The following KIAA1958 variants were observed in gnomAD, a reference collection of about 807,000 sequenced individuals.
KIAA1958 encodes uncharacterized protein KIAA1958.
Under a neutral mutation model 47.2 loss-of-function variants are expected in KIAA1958, and 14 were observed. The ratio of observed to expected loss-of-function variants is 0.30; its 90% CI spans 0.20 to 0.46. KIAA1958 has a LOEUF of 0.46. KIAA1958 is among the 20% of genes least tolerant of loss of function. KIAA1958 has a pLI of 1.00. For synonymous variants in KIAA1958, 354 were observed against 353.3 expected (o/e 1.00, Z -0.02); for missense variants, 803 against 909.2 (o/e 0.88, Z 1.50).
chr9:112,602,468 G>GTACA (rs1469861266), intron 2 of KIAA1958, among the ~76,000 whole-genome samples: 1 of 152,164 alleles, frequency 6.6e-6, no homozygotes, highest in Non-Finnish European at 1.5e-5. Context: ...GAAGAAGTTA[G>GTACA]TACAGTACCT....
rs1422119745 is a variant in KIAA1958, at chr9:112,636,599, T to TCCTGTTGAATTTTAAAACCTC, written c.1172-9047_1172-9027dup. On this transcript the variant is annotated intron_variant, in intron 2 of 3. Transcript: ENST00000337530. ...AAATCTAGGATTGTTATATATACCT[T>TCCTGTTGAATTTTAAAACCTC]CCTGTTGAATTTTAAAACCTCCCTC... 3.9e-5 allele frequency among the ~76,000 whole-genome samples: 6 copies of TCCTGTTGAATTTTAAAACCTC among 152,276 alleles called. No homozygotes were observed. In the East Asian group the frequency reaches 1.2e-3, roughly 29 times the overall value.
chr9:112,613,910 T>A (rs1436120307), intron 2 of KIAA1958, among the ~76,000 whole-genome samples: 2 of 152,118 alleles, frequency 1.3e-5, no homozygotes, highest in East Asian at 3.8e-4. Flanking sequence ...CACTCCTACG[T>A]ATATACCCAA....
chr9:112,548,901 A>G (rs990738132), intron 1 of KIAA1958, among the ~76,000 whole-genome samples: 1 of 152,206 alleles, frequency 6.6e-6, no homozygotes, highest in Non-Finnish European at 1.5e-5. Context: ...AGAGATTTGT[A>G]CAGGCACAGA....
At chr9:112,519,369 A>G (rs772952152) in intron 1 of KIAA1958, among the ~76,000 whole-genome samples, 26 of 152,242 alleles carry the variant, frequency 1.7e-4, no homozygotes, top group Non-Finnish European at 3.4e-4. Flanking sequence ...ACTTATGCTC[A>G]TAGCTTTTCA....
At chr9:112,635,905 A>G (rs1473110737) in intron 2 of KIAA1958, among the ~76,000 whole-genome samples, 1 of 150,996 alleles carries the variant, frequency 6.6e-6, no homozygotes, top group Admixed American at 6.6e-5. Context: ...TTTTGGATAG[A>G]TTTCTTGTTC....
chr9:112,644,310 T>C (rs12004834), intron 2 of KIAA1958, among the ~76,000 whole-genome samples: 2,177 of 152,136 alleles, frequency 0.014, 54 homozygotes, highest in African/African-American at 0.048. Context: ...TAGTTTGGTA[T>C]AGAGGAGATG....
intron 1 of KIAA1958, among the ~76,000 whole-genome samples, chr9:112,513,124 C>T (rs534719515): frequency 3.3e-5 from 5 of 149,740 alleles, no homozygotes; most frequent in African/African-American, 9.9e-5. Flanking sequence ...CCTGCTTCAG[C>T]CTCCAGAGTA....
intron 2 of KIAA1958, among the ~76,000 whole-genome samples, chr9:112,597,583 C>T (rs1427515973): frequency 6.6e-6 from 1 of 152,182 alleles, no homozygotes; most frequent in African/African-American, 2.4e-5. Context: ...CCTCCAAAAA[C>T]TTCATTGCCA....
Position 112,574,933 on chromosome 9 carries a change from G to A in KIAA1958, c.853G>A (p.Ala285Thr). 1.2e-6 allele frequency: 2 copies of A among 1,614,074 alleles called. No homozygotes were observed. The highest frequency in any genetic ancestry group is 1.7e-6 in the Non-Finnish European group (2 of 1,179,984). The part of the protein sequence containing the change: ...VISRPIVQKT[A>T]RVSLASPNRG... The stretch of plus-strand genomic sequence containing the variant: ...CTCCAGACCAATTGTCCAGAAGACT[G>A]CTAGGGTATCTCTGGCTTCACCAAA... The change falls in exon 2 of 4, where the codon GCT (alanine) becomes ACT (threonine). Residue 285 changes from alanine (A) to threonine (T), a missense_variant. Ala to Thr is a moderately conservative substitution (Grantham distance 58). Coordinates refer to ENST00000337530, the MANE Select transcript of KIAA1958 (RefSeq NM_133465.4).
At chr9:112,499,237 C>T (rs1834094844) in intron 1 of KIAA1958, among the ~76,000 whole-genome samples, 1 of 152,170 alleles carries the variant, frequency 6.6e-6, no homozygotes, top group South Asian at 2.1e-4. Context: ...ACACTGATTT[C>T]TTTGATACAC....
intron 1 of KIAA1958, among the ~76,000 whole-genome samples, chr9:112,488,258 G>T (rs538787270): frequency 8.5e-5 from 13 of 152,136 alleles, no homozygotes; most frequent in African/African-American, 7.2e-5. Flanking sequence ...TTTATTCCAC[G>T]TATATAACCC....
At chr9:112,488,362 T>A (rs900484391) in intron 1 of KIAA1958, among the ~76,000 whole-genome samples, 1 of 152,208 alleles carries the variant, frequency 6.6e-6, no homozygotes, top group Non-Finnish European at 1.5e-5. Flanking sequence ...GCTAGCTAAG[T>A]TTCTTCATGA....
chr9:112,620,933 T>C (rs561321834), intron 2 of KIAA1958, among the ~76,000 whole-genome samples: 20 of 152,354 alleles, frequency 1.3e-4, no homozygotes, highest in Middle Eastern at 3.4e-3. Flanking sequence ...CTTACATATT[T>C]ATTTCTATAT....
rs1302560844 is a variant in KIAA1958 at position 112,661,369 on chromosome 9, CAA to C, written c.*1302_*1303del. Reference sequence around the variant, plus strand: ...TGCAACAACAAGTGAAAAAGGAGCTCAAAGAGTGCTCATTAAGAGTAACAATA... The same window carrying C: ...TGCAACAACAAGTGAAAAAGGAGCTCAGAGTGCTCATTAAGAGTAACAATA... On this transcript the variant is annotated 3_prime_UTR_variant, in exon 4 of 4. Transcript: ENST00000337530. 5.9e-5 allele frequency: 9 copies of C among 152,280 alleles called. No individual in the cohort carries two copies. The East Asian group carries it at 1.7e-3, about 29-fold the overall frequency. 9.4% of individuals were successfully genotyped at this position (152,280 alleles called of 1,614,324 possible). A position where few individuals can be genotyped will look rare whatever the true frequency, so the allele number is the denominator to read the frequency against.
chr9:112,576,494 C>G (rs1429000585), intron 2 of KIAA1958, among the ~76,000 whole-genome samples: 2 of 152,086 alleles, frequency 1.3e-5, no homozygotes, highest in African/African-American at 4.8e-5. Context: ...AAATCCCATA[C>G]CCATTAACAG....
chr9:112,563,053 C>CTCTG (rs1370411620), intron 1 of KIAA1958, among the ~76,000 whole-genome samples: 44 of 112,378 alleles, frequency 3.9e-4, no homozygotes, highest in African/African-American at 1.4e-3. Context: ...TTCTCTCTCT[C>CTCTG]TCTCTGTCTC....
chr9:112,491,173 C>T lies in KIAA1958; in HGVS notation c.-25+4055C>T, dbSNP rs549169294. Among the ~76,000 whole-genome samples the T allele has an allele frequency of 5.2e-3, 785 of 152,228 alleles. 11 individuals carry two copies. Among genetic ancestry groups the T allele is most frequent in the African/African-American group, 0.018 (741 of 41,542 alleles). ...TAGCGATGGGGTCTTGCGGTGTTGC[C>T]CAGGCTGGTCTTGAACTCCTGGACT... On this transcript the variant is annotated intron_variant, in intron 1 of 3. Coordinates refer to ENST00000337530, the MANE Select transcript of KIAA1958 (RefSeq NM_133465.4).
At position 112,668,635 on chromosome 9, in the gene KIAA1958, G is replaced by A. The variant is rs529470910; in HGVS notation, c.*8566G>A. On this transcript the variant is annotated 3_prime_UTR_variant, in exon 4 of 4. Transcript: ENST00000337530. ...CTGGCAATAGAATGGTTTTATCTGT[G>A]CCCCAAGCTTTTGCCAATTTAAACT... The A allele has an allele frequency of 1.3e-4, 20 of 152,262 alleles. No individual in the cohort carries two copies. Among genetic ancestry groups the A allele is most frequent in the African/African-American group, 4.6e-4 (19 of 41,534 alleles). The allele number at this position is 152,262 out of a possible 1,614,324, so 9.4% of individuals were successfully genotyped here.
chr9:112,637,358 G>A (rs1836820656), intron 2 of KIAA1958, among the ~76,000 whole-genome samples: 1 of 151,958 alleles, frequency 6.6e-6, no homozygotes, highest in Non-Finnish European at 1.5e-5. Flanking sequence ...TTGTGTGACT[G>A]CAGCTGCATT....
Sources: allele counts gnomAD v4.1 joint callset (sites outside exome capture counted in the v4.1 genomes callset), GRCh38; gene constraint gnomAD v4.1.1; transcripts MANE v1.5; gene names NCBI Gene and HGNC (gene_info 2026-07-23, HGNC 2026-07-21).